The following FBXO43 variants were observed in gnomAD, a reference collection of about 807,000 sequenced individuals.
The protein encoded by FBXO43 is F-box only protein 43.
In FBXO43, 22 loss-of-function variants were observed where a neutral mutation model predicts 56.7. The ratio of observed to expected loss-of-function variants is 0.39; its 90% CI spans 0.28 to 0.55. The LOEUF (loss-of-function observed/expected upper bound fraction) is 0.55, where lower values mean the gene tolerates loss of function less well. Ranked by LOEUF, FBXO43 falls within the 20% of genes least tolerant of loss-of-function variation. FBXO43 has a pLI of 0.66. For synonymous variants in FBXO43, 306 were observed against 294.5 expected, an observed-to-expected ratio of 1.04 and a Z score of -0.40; for missense variants, 733 against 814.9, an observed-to-expected ratio of 0.90 and a Z score of 1.22.
At chr8:100,134,099 C>T (rs1469061983) in intron 4 of FBXO43, 49 bp from the exon 5 acceptor site, 1 of 1,603,884 alleles carries the variant, frequency 6.2e-7, no homozygotes, top group Non-Finnish European at 8.5e-7. Context: ...TATAGAGGAG[C>T]ACTTTATTTC....
chr8:100,137,296 G>C (rs1814501076), intron 3 of FBXO43: 1 of 252,604 alleles, frequency 4.0e-6, no homozygotes, highest in Non-Finnish European at 7.5e-6. Context: ...TCCTGACCTC[G>C]TGATCCGCCC....
intron 1 of FBXO43, 27 bp downstream of exon 1, chr8:100,145,024 T>G: frequency 1.3e-6 from 2 of 1,598,596 alleles, no homozygotes; most frequent in South Asian, 2.3e-5. Flanking sequence ...CCAAATGTTC[T>G]TCATTTGTTA....
chr8:100,141,054 CT>C lies in FBXO43; in HGVS notation c.1199del (p.Lys400SerfsTer23), dbSNP rs771692975. On this transcript the variant is annotated frameshift_variant, in exon 2 of 5. Coordinates refer to ENST00000428847, the MANE Select transcript of FBXO43 (RefSeq NM_001029860.4). LOFTEE classifies it high-confidence loss of function. ...QSSQSETEEEKQIVHPDSEKR... is the reference protein window; with the variant it reads ...QSSQSETEEEXQIVHPDSEKR... ...TTTCAGAGTCAGGGTGGACAATCTG[CT>C]TTTCCTCTTCTGTCTCTGACTGCGA... is the stretch of plus-strand genomic sequence containing the variant. 2.5e-6 allele frequency: 4 copies of C among 1,614,212 alleles called. No individual in the cohort carries two copies. The highest frequency in any genetic ancestry group is 1.7e-6 in the Non-Finnish European group (2 of 1,180,030).
upstream of FBXO43, among the ~76,000 whole-genome samples, chr8:100,146,932 C>T (rs1338931969): frequency 3.9e-5 from 6 of 152,226 alleles, no homozygotes. Context: ...ACTGCAACCT[C>T]CACCTCCCAG....
Position 100,141,577 on chromosome 8 carries a change from T to C in FBXO43, c.677A>G (p.Asn226Ser). ...TGTGGAAGTCTTTTGCTGAGAAAAA[T>C]TAAGCCTCAATTTTTGACTGCATGA... is the stretch of plus-strand genomic sequence containing the variant. Reference protein sequence around the residue: ...VTSCSQKLRLNFSQQKTSTID... With the variant: ...VTSCSQKLRLSFSQQKTSTID... Residue 226 changes from asparagine (N) to serine (S), a missense_variant, in exon 2 of 5, where the codon AAT (asparagine) becomes AGT (serine). Asn to Ser is a conservative substitution (Grantham distance 46). Coordinates refer to ENST00000428847, the MANE Select transcript of FBXO43 (RefSeq NM_001029860.4). The C allele has an allele frequency of 6.2e-7, 1 of 1,611,792 alleles. No homozygotes were observed. Among genetic ancestry groups the C allele is most frequent in the Non-Finnish European group, 8.5e-7 (1 of 1,180,012 alleles).
intron 1 of FBXO43, among the ~76,000 whole-genome samples, chr8:100,143,459 A>T (rs1467190696): frequency 6.6e-6 from 1 of 152,234 alleles, no homozygotes; most frequent in Non-Finnish European, 1.5e-5. Context: ...TACTAAACAA[A>T]GTCTAAGTAT....
upstream of FBXO43, among the ~76,000 whole-genome samples, chr8:100,146,950 C>T (rs71516858): frequency 2.9e-3 from 437 of 152,320 alleles, 1 homozygote; most frequent in Middle Eastern, 0.017. Context: ...CAGGTTCAAA[C>T]GATTCTCCTG....
At chr8:100,136,099 T>C (rs1285811365) in intron 3 of FBXO43, among the ~76,000 whole-genome samples, 1 of 152,188 alleles carries the variant, frequency 6.6e-6, no homozygotes, top group Non-Finnish European at 1.5e-5. Flanking sequence ...CCCTAGCATA[T>C]AGGGCAGCAT....
chr8:100,143,628 TTTG>T (rs1814724636), intron 1 of FBXO43, among the ~76,000 whole-genome samples: 1 of 142,862 alleles, frequency 7.0e-6, no homozygotes, highest in Non-Finnish European at 1.5e-5. Flanking sequence ...TTTAAACAAT[TTTG>T]TTTTACAAAT....
chr8:100,138,324 AGTAAG>A (rs1262395897), intron 2 of FBXO43, among the ~76,000 whole-genome samples: 2 of 152,200 alleles, frequency 1.3e-5, no homozygotes, highest in Non-Finnish European at 2.9e-5. Flanking sequence ...AATCAAAAGG[AGTAAG>A]GTCAGAAAAG....
At chr8:100,150,078 C>T (rs905819405), upstream of FBXO43, among the ~76,000 whole-genome samples, 6 of 152,284 alleles carry the variant, frequency 3.9e-5, no homozygotes, top group African/African-American at 1.2e-4. Context: ...GTTCATGTAG[C>T]TACCGTCACA....
chr8:100,144,187 A>G (rs1479291102), intron 1 of FBXO43, among the ~76,000 whole-genome samples: 1 of 152,126 alleles, frequency 6.6e-6, no homozygotes, highest in African/African-American at 2.4e-5. Flanking sequence ...AAAGTGGGGA[A>G]TGCAGATATT....
intron 2 of FBXO43, among the ~76,000 whole-genome samples, chr8:100,140,006 A>T (rs975027816): frequency 2.8e-4 from 42 of 152,240 alleles, no homozygotes; most frequent in Admixed American, 2.7e-3. Flanking sequence ...TACTGCTTGC[A>T]ATCTGACAAT....
intron 3 of FBXO43, among the ~76,000 whole-genome samples, chr8:100,135,795 G>GGTGGAACATTA (rs1814451212): frequency 6.6e-6 from 1 of 152,032 alleles, no homozygotes; most frequent in Non-Finnish European, 1.5e-5. Flanking sequence ...AGTAGAGACA[G>GGTGGAACATTA]GGGTTCCACC....
At chr8:100,145,006 C>G (rs763028270) in intron 1 of FBXO43, 45 bp downstream of exon 1, 2 of 1,573,040 alleles carry the variant, frequency 1.3e-6, no homozygotes, top group Non-Finnish European at 1.7e-6. Context: ...GAAGTACTTA[C>G]ATTAAACCCA....
chr8:100,144,766 C>T (rs3133670), intron 1 of FBXO43, among the ~76,000 whole-genome samples: 8,296 of 151,706 alleles, frequency 0.055, 684 homozygotes, highest in African/African-American at 0.17. Context: ...CCCGTCTCCA[C>T]TAAAAATACA....
At chr8:100,146,548 T>C (rs2132151481), upstream of FBXO43, among the ~76,000 whole-genome samples, 1 of 152,322 alleles carries the variant, frequency 6.6e-6, no homozygotes, top group East Asian at 1.9e-4. Context: ...GCCAAATAAA[T>C]TTTTTAAACC....
chr8:100,133,864 T>C lies in FBXO43; in HGVS notation c.2065A>G (p.Arg689Gly). 6.2e-7 allele frequency: 1 copy of C among 1,614,242 alleles called. No individual in the cohort carries two copies. The highest frequency in any genetic ancestry group is 8.5e-7 in the Non-Finnish European group (1 of 1,180,046). Residue 689 changes from arginine to glycine, a missense_variant, in exon 5 of 5, where the codon AGA becomes GGA. Transcript: ENST00000428847. Reference protein sequence around the residue: ...EECSRGAAKPRNRKDALPGSA... With the variant: ...EECSRGAAKPGNRKDALPGSA... The stretch of plus-strand genomic sequence containing the variant: ...CCTGGGAGAGCATCTTTTCTATTTC[T>C]TGGCTTTGCTGCTCCTCTACTACAT...
rs1393431991 is a variant in FBXO43 at position 100,141,031 on chromosome 8, T to C, written c.1223A>G (p.Glu408Gly). ...EEKQIVHPDS[E>G]KRAAAASAIS... ...GGCAGAAGCAGCTGCTGCTCTTTTTTCAGAGTCAGGGTGGACAATCTGCTT... is the reference window on the plus strand; with the variant it reads ...GGCAGAAGCAGCTGCTGCTCTTTTTCCAGAGTCAGGGTGGACAATCTGCTT... Residue 408 changes from glutamate to glycine, a missense_variant, in exon 2 of 5, where the codon GAA becomes GGA. Coordinates refer to ENST00000428847, the MANE Select transcript of FBXO43 (RefSeq NM_001029860.4). The C allele has an allele frequency of 1.2e-6, 2 of 1,614,142 alleles. No individual in the cohort carries two copies. Among genetic ancestry groups the C allele is most frequent in the Non-Finnish European group, 1.7e-6 (2 of 1,180,050 alleles).
Sources: allele counts gnomAD v4.1 joint callset (sites outside exome capture counted in the v4.1 genomes callset), GRCh38; gene constraint gnomAD v4.1.1; transcripts MANE v1.5; gene names NCBI Gene and HGNC (gene_info 2026-07-23, HGNC 2026-07-21).